Variants in AKAP4 observed in about 807,000 individuals in gnomAD.
AKAP4 encodes the protein A-kinase anchoring protein 4.
AKAP4 carries 4 observed loss-of-function variants against 42.6 expected under a neutral mutation model. The observed-to-expected ratio is 0.09, with a 90% CI of 0.05 to 0.22. The LOEUF (loss-of-function observed/expected upper bound fraction) is 0.22, where lower values mean the gene tolerates loss of function less well. AKAP4 is among the 10% of genes least tolerant of loss of function. The pLI is 1.00. For missense variants in AKAP4, 551 were observed against 630.7 expected (o/e 0.87, Z 1.35); for synonymous variants, 223 against 233.0 (o/e 0.96, Z 0.39).
chrX:50,191,670 A>AGAAAGAGAG (rs1935113984), intron 5 of AKAP4, among the ~76,000 whole-genome samples: 53 of 90,027 alleles, frequency 5.9e-4, no homozygotes, highest in African/African-American at 2.2e-3. Context: ...GAGAGAGAGA[A>AGAAAGAGAG]AGAGAGAGAG....
At chrX:50,191,670 A>AG (rs1935113984) in intron 5 of AKAP4, among the ~76,000 whole-genome samples, 2 of 90,019 alleles carry the variant, frequency 2.2e-5, no homozygotes, top group East Asian at 3.5e-4. Context: ...GAGAGAGAGA[A>AG]AGAGAGAGAG....
intron 1 of AKAP4, chrX:50,200,457 C>A: frequency 1.5e-6 from 1 of 685,231 alleles, no homozygotes; most frequent in Non-Finnish European, 1.7e-6. Context: ...ACTGTCACAA[C>A]CTAAGCAAAG....
chrX:50,196,333 T>C (rs1354648801), intron 4 of AKAP4, among the ~76,000 whole-genome samples: 1 of 111,527 alleles, frequency 9.0e-6, no homozygotes, highest in African/African-American at 3.3e-5. Flanking sequence ...GAGGGTGACT[T>C]GTTGTATGCT....
At position 50,197,009 on chromosome X, in the gene AKAP4, T is replaced by G; in HGVS notation, c.175-17A>C. On this transcript the variant is annotated splice_polypyrimidine_tract_variant and intron_variant, in intron 3 of 5. Coordinates refer to ENST00000358526, the MANE Select transcript of AKAP4 (RefSeq NM_003886.3). ...AGCAGCATCCTATGGAATTAAAGGG[T>G]GAGATTCTTAAACAGTTACTTTTGG... 8.9e-7 allele frequency: 1 copy of G among 1,124,130 alleles called. No individual in the cohort carries two copies. Among genetic ancestry groups the G allele is most frequent in the Non-Finnish European group, 1.2e-6 (1 of 816,052 alleles). The allele number at this position is 1,124,130 out of a possible 1,213,427, so 92.6% of individuals were successfully genotyped here. A position where few individuals can be genotyped will look rare whatever the true frequency, so the allele number is the denominator to read the frequency against.
At position 50,194,598 on chromosome X, in the gene AKAP4, A is replaced by T. The variant is rs144553271; in HGVS notation, c.277-162T>A. ...TAGTACACATTCAAGCAGAAGTGGC[A>T]GCAACAAAAGTTCAAAGTATATACA... On this transcript the variant is annotated intron_variant, in intron 4 of 5. Coordinates refer to ENST00000358526, the MANE Select transcript of AKAP4 (RefSeq NM_003886.3). The T allele has an allele frequency of 3.8e-3, 1,678 of 439,272 alleles. 5 individuals carry two copies. Among genetic ancestry groups the T allele is most frequent in the Non-Finnish European group, 5.8e-3 (1,519 of 260,315 alleles). The allele number at this position is 439,272 out of a possible 1,213,427, so 36.2% of individuals were successfully genotyped here.
At chrX:50,191,371 G>C (rs782758998) in intron 5 of AKAP4, among the ~76,000 whole-genome samples, 74 of 110,903 alleles carry the variant, frequency 6.7e-4, no homozygotes, top group African/African-American at 2.4e-3. Context: ...TCTTTTTTGA[G>C]CTTCAAAAAC....
intron 1 of AKAP4, among the ~76,000 whole-genome samples, chrX:50,199,667 TTTC>T (rs1164752249): frequency 9.1e-6 from 1 of 109,919 alleles, no homozygotes; most frequent in Non-Finnish European, 1.9e-5. Context: ...TTGAATTTGA[TTTC>T]TTTTTAAATT....
At chrX:50,200,085 G>A (rs1935244055) in intron 1 of AKAP4, 1 of 286,942 alleles carries the variant, frequency 3.5e-6, no homozygotes, top group African/African-American at 3.1e-5. Flanking sequence ...TCTGAAGAGG[G>A]AGTTTCTTTT....
intron 1 of AKAP4, among the ~76,000 whole-genome samples, chrX:50,200,051 A>G (rs1275875653): frequency 9.5e-6 from 1 of 104,840 alleles, no homozygotes; most frequent in African/African-American, 3.5e-5. Flanking sequence ...TGAAACCTTG[A>G]AAAAGTTATA....
rs1218967923 is a variant in AKAP4 at position 50,192,408 on chromosome X, T to C, written c.2305A>G (p.Ser769Gly). The C allele has an allele frequency of 5.0e-6, 6 of 1,206,681 alleles. No individual in the cohort carries two copies. The Admixed American group carries it at 1.3e-4, about 27-fold the overall frequency. The change falls in exon 5 of 6, where the codon AGC becomes GGC. Residue 769 changes from serine to glycine, a missense_variant. By Grantham distance (56) the Ser-to-Gly change is moderately conservative. Coordinates refer to ENST00000358526, the MANE Select transcript of AKAP4 (RefSeq NM_003886.3). ...ACAGCCTGGAGCTGCTTCTGCAAGC[T>C]ATTTGTAGAGCACTGATTATTGACA... ...VIVNNQCSTNSLQKQLQAVLQ... is the reference protein window; with the variant it reads ...VIVNNQCSTNGLQKQLQAVLQ...
intron 1 of AKAP4, among the ~76,000 whole-genome samples, chrX:50,199,533 C>A (rs782260454): frequency 9.1e-6 from 1 of 110,395 alleles, no homozygotes; most frequent in East Asian, 2.9e-4. Context: ...CCAACCCAGT[C>A]TGGAACTAAA....
chrX:50,200,835 T>C, intron 1 of AKAP4, 28 bp downstream of exon 1: 1 of 1,194,907 alleles, frequency 8.4e-7, no homozygotes, highest in Non-Finnish European at 1.1e-6. Context: ...CCCCCTTAGC[T>C]AGTCAAAAAG....
Position 50,194,406 on chromosome X carries a change from C to T in AKAP4, c.307G>A (p.Ala103Thr), listed in dbSNP as rs1557204157. The change falls in exon 5 of 6, where the codon GCT (alanine) becomes ACT (threonine). Residue 103 changes from alanine (A) to threonine (T), a missense_variant. Physicochemically the swap from Ala to Thr is moderately conservative, Grantham distance 58. Transcript: ENST00000358526. ...AGGACACTTACAGGATCAGAGGGAGCTTGTTTGAAAAGGCATACAGATCCC... is the reference window on the plus strand; with the variant it reads ...AGGACACTTACAGGATCAGAGGGAGTTTGTTTGAAAAGGCATACAGATCCC... ...TEGSVCLFKQ[A>T]PSDPVSVLNW... The T allele has an allele frequency of 2.5e-6, 3 of 1,203,602 alleles. No individual in the cohort carries two copies. The Admixed American group carries it at 6.7e-5, about 27-fold the overall frequency.
intron 1 of AKAP4, chrX:50,200,123 G>T: frequency 1.9e-6 from 1 of 540,388 alleles, no homozygotes; most frequent in Non-Finnish European, 2.2e-6. Flanking sequence ...GGGAACACTA[G>T]CCTAGTAAAA....
At chrX:50,191,767 C>T (rs1935116188) in intron 5 of AKAP4, among the ~76,000 whole-genome samples, 1 of 109,454 alleles carries the variant, frequency 9.1e-6, no homozygotes, top group Non-Finnish European at 1.9e-5. Context: ...GGACTAGGGT[C>T]AGGCAAGTGA....
intron 1 of AKAP4, 59 bp from the exon 2 acceptor site, chrX:50,198,811 C>A: frequency 1.1e-6 from 1 of 916,810 alleles, no homozygotes; most frequent in Non-Finnish European, 1.5e-6. Flanking sequence ...GAAACCGGGT[C>A]AATTTGGATA....
intron 5 of AKAP4, among the ~76,000 whole-genome samples, chrX:50,191,887 T>C (rs1557203662): frequency 1.8e-5 from 2 of 110,394 alleles, no homozygotes. Flanking sequence ...TTTCAAACTG[T>C]TTCTGGTAGG....
chrX:50,193,223 C>T lies in AKAP4; in HGVS notation c.1490G>A (p.Gly497Asp). Residue 497 changes from glycine to aspartate, a missense_variant, in exon 5 of 6, where the codon GGT (glycine) becomes GAT (aspartate). Transcript: ENST00000358526. ...CKSLTSAEKVGEHILKEGLTI... is the reference protein window; with the variant it reads ...CKSLTSAEKVDEHILKEGLTI... ...TAGGCCCTCTTTGAGAATGTGTTCACCGACTTTCTCAGCACTAGTCAGTGA... is the reference window on the plus strand; with the variant it reads ...TAGGCCCTCTTTGAGAATGTGTTCATCGACTTTCTCAGCACTAGTCAGTGA... 2 of 1,211,766 alleles carry T rather than the reference C, an allele frequency of 1.7e-6. No homozygotes were observed. The highest frequency in any genetic ancestry group is 2.2e-6 in the Non-Finnish European group (2 of 895,539).
rs1288735282 is a variant in AKAP4, at chrX:50,190,810, T to C, written c.*150A>G. 4 of 522,601 alleles carry C rather than the reference T, an allele frequency of 7.7e-6. No individual in the cohort carries two copies. Among genetic ancestry groups the C allele is most frequent in the Non-Finnish European group, 1.2e-5 (4 of 340,610 alleles). The allele number at this position is 522,601 out of a possible 1,213,427, so 43.1% of individuals were successfully genotyped here. Reference sequence around the variant, plus strand: ...TTTTTTTATTTTATTTCCCAGTTTGTTGACACCTCTTACATTCACAGGCAA... The same window carrying C: ...TTTTTTTATTTTATTTCCCAGTTTGCTGACACCTCTTACATTCACAGGCAA... On this transcript the variant is annotated 3_prime_UTR_variant, in exon 6 of 6. Transcript: ENST00000358526.
Sources: allele counts gnomAD v4.1 joint callset (sites outside exome capture counted in the v4.1 genomes callset), GRCh38; gene constraint gnomAD v4.1.1; transcripts MANE v1.5; gene names NCBI Gene and HGNC (gene_info 2026-07-23, HGNC 2026-07-21).